The following TRPM3 variants were observed in gnomAD, a reference collection of about 807,000 sequenced individuals.
TRPM3 encodes long transient receptor potential channel 3.
Under a neutral mutation model 181.2 loss-of-function variants are expected in TRPM3, and 77 were observed. The ratio of observed to expected loss-of-function variants is 0.42; its 90% CI spans 0.35 to 0.51. The LOEUF (loss-of-function observed/expected upper bound fraction) is 0.51. Ranked by LOEUF, TRPM3 falls within the 20% of genes least tolerant of loss-of-function variation. The probability of loss-of-function intolerance (pLI) is 0.01; values close to 1 mark genes in which losing one functional copy is unlikely to be tolerated. For missense variants in TRPM3, 1,759 were observed against 2,196.7 expected, an observed-to-expected ratio of 0.80 and a Z score of 3.98; for synonymous variants, 745 against 796.4, an observed-to-expected ratio of 0.94 and a Z score of 1.09.
At chr9:70,924,472 T>C (rs755502927) in intron 1 of TRPM3, among the ~76,000 whole-genome samples, 5 of 152,204 alleles carry the variant, frequency 3.3e-5, no homozygotes, top group Admixed American at 6.5e-5. Context: ...TTCCAGTATT[T>C]CAACATCATT....
At chr9:70,811,458 G>A (rs2092024459) in intron 6 of TRPM3, among the ~76,000 whole-genome samples, 1 of 152,128 alleles carries the variant, frequency 6.6e-6, no homozygotes, top group Non-Finnish European at 1.5e-5. Flanking sequence ...AAAAATCATA[G>A]CTCTTTGCTG....
chr9:70,642,784 G>A (rs1458834579), intron 9 of TRPM3, among the ~76,000 whole-genome samples: 1 of 152,188 alleles, frequency 6.6e-6, no homozygotes. Flanking sequence ...ATTTTAGCAT[G>A]CATAAGTACA....
intron 1 of TRPM3, among the ~76,000 whole-genome samples, chr9:71,331,968 A>G (rs1232670349): frequency 6.9e-6 from 1 of 144,418 alleles, no homozygotes; most frequent in Non-Finnish European, 1.5e-5. Flanking sequence ...AGGAGGGAGG[A>G]GGAGGAGAAG....
intron 1 of TRPM3, among the ~76,000 whole-genome samples, chr9:71,350,452 A>G (rs373782239): frequency 6.6e-6 from 1 of 152,204 alleles, no homozygotes; most frequent in Non-Finnish European, 1.5e-5. Context: ...TCGTCTGACT[A>G]GTTCCTAAAT....
chr9:71,040,200 T>C (rs1250633746), intron 1 of TRPM3, among the ~76,000 whole-genome samples: 1 of 152,302 alleles, frequency 6.6e-6, no homozygotes, highest in Admixed American at 6.5e-5. Context: ...AAATCTCTTA[T>C]GTCTTTAAGC....
intron 1 of TRPM3, among the ~76,000 whole-genome samples, chr9:70,867,319 C>T (rs1336874720): frequency 6.6e-6 from 1 of 152,066 alleles, no homozygotes; most frequent in Non-Finnish European, 1.5e-5. Context: ...TTCAAGGACA[C>T]CTTCCTTATT....
At chr9:71,355,879 AAAT>A (rs1270982442) in intron 1 of TRPM3, among the ~76,000 whole-genome samples, 2 of 152,202 alleles carry the variant, frequency 1.3e-5, no homozygotes, top group Admixed American at 1.3e-4. Context: ...CCTTAAAAGA[AAAT>A]AATATTTTGA....
At chr9:70,809,570 C>T (rs188073083) in intron 6 of TRPM3, among the ~76,000 whole-genome samples, 32 of 152,260 alleles carry the variant, frequency 2.1e-4, no homozygotes, top group African/African-American at 7.5e-4. Flanking sequence ...AGGTTTGTAG[C>T]CTACAAGCAA....
chr9:70,689,469 T>G (rs887236123), intron 8 of TRPM3, among the ~76,000 whole-genome samples: 5 of 151,824 alleles, frequency 3.3e-5, no homozygotes, highest in African/African-American at 1.2e-4. Context: ...AAAGTTAGTG[T>G]TATGCTGTAG....
intron 1 of TRPM3, among the ~76,000 whole-genome samples, chr9:71,148,291 A>G (rs2075544047): frequency 6.6e-6 from 1 of 152,192 alleles, no homozygotes; most frequent in Non-Finnish European, 1.5e-5. Context: ...TCTAATTACT[A>G]GAAGAATATT....
At chr9:71,423,823 G>C (rs139386676) in intron 1 of TRPM3, among the ~76,000 whole-genome samples, 9 of 152,208 alleles carry the variant, frequency 5.9e-5, no homozygotes, top group African/African-American at 1.9e-4. Flanking sequence ...CCCCGGAGAT[G>C]ACTTTGGACC....
In TRPM3 at chr9:70,764,632, A is replaced by G. The variant is rs146325392; in HGVS notation, c.1149-2908T>C. On this transcript the variant is annotated intron_variant, in intron 7 of 25. Coordinates refer to ENST00000677713, the MANE Select transcript of TRPM3 (RefSeq NM_001366145.2). Reference sequence around the variant, plus strand: ...AGTTGCTGAAGTTGTGGCTTTGGCTAGATCATTTAGTGACAAGAACCATAG... The same window carrying G: ...AGTTGCTGAAGTTGTGGCTTTGGCTGGATCATTTAGTGACAAGAACCATAG... Among the ~76,000 whole-genome samples, 543 of 152,332 alleles carry G rather than the reference A, an allele frequency of 3.6e-3. 5 individuals are homozygous for G. The highest frequency in any genetic ancestry group is 0.012 in the African/African-American group (506 of 41,578).
chr9:71,397,474 T>C (rs193273195), intron 1 of TRPM3, among the ~76,000 whole-genome samples: 41 of 152,314 alleles, frequency 2.7e-4, no homozygotes, highest in Admixed American at 2.1e-3. Flanking sequence ...TTGAATGTTA[T>C]ATACAACATC....
At chr9:71,065,058 A>C (rs1019214084) in intron 1 of TRPM3, among the ~76,000 whole-genome samples, 2 of 152,178 alleles carry the variant, frequency 1.3e-5, no homozygotes, top group African/African-American at 2.4e-5. Context: ...AACACACTTT[A>C]TTGTAGCTAT....
chr9:71,192,626 T>G (rs946214816), intron 1 of TRPM3, among the ~76,000 whole-genome samples: 1 of 151,900 alleles, frequency 6.6e-6, no homozygotes, highest in Non-Finnish European at 1.5e-5. Flanking sequence ...TGCTATTTAG[T>G]GTGACTTCCT....
chr9:71,356,008 G>A (rs2091883851), intron 1 of TRPM3, among the ~76,000 whole-genome samples: 1 of 152,084 alleles, frequency 6.6e-6, no homozygotes, highest in Non-Finnish European at 1.5e-5. Flanking sequence ...GCTAGCGAGT[G>A]GTTGATTGGG....
chr9:70,642,374 G>C (rs772678498), intron 9 of TRPM3, among the ~76,000 whole-genome samples: 2 of 152,182 alleles, frequency 1.3e-5, no homozygotes, highest in African/African-American at 2.4e-5. Context: ...CATCATTGCT[G>C]CTTCTGATGT....
Position 70,625,646 on chromosome 9 carries a change from C to A in TRPM3, c.1633-129G>T. 1.1e-6 allele frequency: 1 copy of A among 890,678 alleles called. No individual in the cohort carries two copies. The allele number at this position is 890,678 out of a possible 1,614,324, so 55.2% of individuals were successfully genotyped here. On this transcript the variant is annotated intron_variant, in intron 12 of 25. Transcript: ENST00000677713. This position sits in a 1 kb window ranked among gnomAD's most constrained non-coding sequence, Gnocchi z 4.8. ...CAGTGTAGAAGAAAGAAACACAAGG[C>A]TAGACAGGGCAAATGCTATCACTCC...
chr9:70,899,909 C>T (rs1457823228), intron 1 of TRPM3, among the ~76,000 whole-genome samples: 1 of 152,184 alleles, frequency 6.6e-6, no homozygotes, highest in Non-Finnish European at 1.5e-5. Flanking sequence ...CTTGATGAGA[C>T]TGGTCTTAAT....
Sources: gnomAD v4.1 joint callset for allele counts (sites outside exome capture counted in the v4.1 genomes callset) on GRCh38, gnomAD v4.1.1 for gene constraint, Gnocchi (gnomAD v3.1) non-coding constraint, MANE v1.5 for transcripts, NCBI Gene and HGNC (gene_info 2026-07-23, HGNC 2026-07-21) for gene names.